ANXA4: variants seen among roughly 807,000 people sequenced by gnomAD.
ANXA4 encodes the protein annexin A4, also known as 35-beta calcimedin.
A neutral mutation model predicts 49.8 loss-of-function variants in ANXA4; 39 were observed. The ratio of observed to expected loss-of-function variants is 0.78; its 90% confidence interval spans 0.61 to 1.02. The LOEUF (loss-of-function observed/expected upper bound fraction) is 1.02. Among genes scored for constraint, ANXA4 ranks in the 50% least tolerant of loss-of-function variants. ANXA4 has a pLI of 0.00. For missense variants in ANXA4, 360 were observed against 410.1 expected, an observed-to-expected ratio of 0.88 and a Z score of 1.05; for synonymous variants, 134 against 152.5, an observed-to-expected ratio of 0.88 and a Z score of 0.89.
At chr2:69,763,414 G>GT (rs896769289) in intron 1 of ANXA4, among the ~76,000 whole-genome samples, 1 of 152,000 alleles carries the variant, frequency 6.6e-6, no homozygotes, top group African/African-American at 2.4e-5. Flanking sequence ...AGGGCTTTTT[G>GT]TTTTTTCCCC....
At chr2:69,712,176 C>A (rs1313117411) in intron 2 of ANXA4, among the ~76,000 whole-genome samples, 1 of 151,954 alleles carries the variant, frequency 6.6e-6, no homozygotes, top group Non-Finnish European at 1.5e-5. Context: ...TTCCCCAACC[C>A]CACCCCACCA....
At chr2:69,702,159 G>GTGC (rs1553432668) in intron 2 of ANXA4, among the ~76,000 whole-genome samples, 4 of 150,940 alleles carry the variant, frequency 2.7e-5, no homozygotes, top group Non-Finnish European at 4.4e-5. Flanking sequence ...TTACAGGTGT[G>GTGC]CGCCACCACC....
intron 2 of ANXA4, among the ~76,000 whole-genome samples, chr2:69,718,107 G>A (rs1669698363): frequency 6.6e-6 from 1 of 152,120 alleles, no homozygotes; most frequent in Non-Finnish European, 1.5e-5. Flanking sequence ...CTCTCACCAT[G>A]GGACTTCTCT....
intron 1 of ANXA4, among the ~76,000 whole-genome samples, chr2:69,777,214 C>G (rs1306873921): frequency 6.6e-6 from 1 of 152,136 alleles, no homozygotes; most frequent in African/African-American, 2.4e-5. Context: ...CTCCCTATTT[C>G]CCACTGTCCT....
At chr2:69,787,965 G>A in intron 2 of ANXA4, 89 bp from the exon 3 acceptor site, 1 of 1,130,330 alleles carries the variant, frequency 8.8e-7, no homozygotes, top group Non-Finnish European at 1.3e-6. Flanking sequence ...CTAGGCTATG[G>A]TCAGTGCTCA....
chr2:69,656,248 T>C (rs200547747), intron 2 of ANXA4, among the ~76,000 whole-genome samples: 27,970 of 134,768 alleles, frequency 0.21, 4,055 homozygotes, highest in East Asian at 0.35. Flanking sequence ...TACGTATATA[T>C]ATGTATATAC....
At chr2:69,709,211 G>T (rs1678598460) in intron 2 of ANXA4, among the ~76,000 whole-genome samples, 1 of 142,502 alleles carries the variant, frequency 7.0e-6, no homozygotes, top group Non-Finnish European at 1.6e-5. Context: ...GAGGGCAACA[G>T]AAATTACTTA....
intron 2 of ANXA4, among the ~76,000 whole-genome samples, chr2:69,675,374 A>G (rs1453112565): frequency 2.0e-5 from 3 of 152,236 alleles, no homozygotes; most frequent in Non-Finnish European, 4.4e-5. Context: ...TCATGACCTT[A>G]TAGTCATGTT....
intron 3 of ANXA4, among the ~76,000 whole-genome samples, chr2:69,802,230 G>A (rs973347981): frequency 1.3e-5 from 2 of 152,206 alleles, no homozygotes; most frequent in African/African-American, 4.8e-5. Context: ...AAGACTCTGG[G>A]AAGACCAACC....
At chr2:69,656,377 GTGTA>G (rs1230969402) in intron 2 of ANXA4, among the ~76,000 whole-genome samples, 1,594 of 100,124 alleles carry the variant, frequency 0.016, 230 homozygotes, top group East Asian at 0.1. Context: ...GTGTATATAT[GTGTA>G]TATATATGTG....
intron 2 of ANXA4, among the ~76,000 whole-genome samples, chr2:69,688,269 A>G (rs2105368498): frequency 6.6e-6 from 1 of 152,314 alleles, no homozygotes; most frequent in East Asian, 1.9e-4. Flanking sequence ...TTTCTGTGAT[A>G]ACGTTTATGT....
chr2:69,657,342 T>G (rs1426335854), intron 2 of ANXA4, among the ~76,000 whole-genome samples: 1 of 152,086 alleles, frequency 6.6e-6, no homozygotes, highest in Non-Finnish European at 1.5e-5. Flanking sequence ...ATTTTAAAGT[T>G]GACATATAGA....
intron 9 of ANXA4, 58 bp downstream of exon 9, chr2:69,816,252 T>G: frequency 7.0e-7 from 1 of 1,421,404 alleles, no homozygotes; most frequent in South Asian, 1.2e-5. Flanking sequence ...AAAACTATAT[T>G]GCCCATAAGT....
chr2:69,698,992 G>T (rs1678248281), intron 2 of ANXA4, among the ~76,000 whole-genome samples: 1 of 152,172 alleles, frequency 6.6e-6, no homozygotes. Context: ...AACAAAGCCT[G>T]GAAAATAGAC....
chr2:69,796,178 C>T lies in ANXA4; in HGVS notation c.97+8037C>T, dbSNP rs543312571. 5.9e-5 allele frequency among the ~76,000 whole-genome samples: 9 copies of T among 152,320 alleles called. No homozygotes were observed. The South Asian group carries it at 1.0e-3, about 18-fold the overall frequency. ...TTAATATCCAGTGGTCTTCACCACACGCTGGACAGGGTCAAGGTGGCTTTT... is the reference window on the plus strand; with the variant it reads ...TTAATATCCAGTGGTCTTCACCACATGCTGGACAGGGTCAAGGTGGCTTTT... On this transcript the variant is annotated intron_variant, in intron 3 of 12. Transcript: ENST00000394295.
intron 8 of ANXA4, among the ~76,000 whole-genome samples, chr2:69,813,560 AAATTCTATATTAAGT>A (rs2103856523): frequency 6.6e-6 from 1 of 151,244 alleles, no homozygotes; most frequent in African/African-American, 2.4e-5. Flanking sequence ...CCACTGTTCT[AAATTCTATATTAAGT>A]ATGTCATTGA....
intron 2 of ANXA4, among the ~76,000 whole-genome samples, chr2:69,681,788 G>C (rs186865827): frequency 5.2e-4 from 78 of 150,870 alleles, no homozygotes; most frequent in African/African-American, 1.8e-3. Context: ...ATTCTGCTCT[G>C]ATCTTTATTA....
intron 1 of ANXA4, among the ~76,000 whole-genome samples, chr2:69,762,264 G>A (rs541302516): frequency 1.4e-3 from 208 of 152,302 alleles, no homozygotes; most frequent in African/African-American, 4.8e-3. Context: ...GCTCATGCCT[G>A]TAGCAACAGC....
Position 69,819,262 on chromosome 2 carries a change from T to C in ANXA4, c.725-18T>C, listed in dbSNP as rs1456043655. 3 of 1,525,020 alleles carry C rather than the reference T, an allele frequency of 2.0e-6. No homozygotes were observed. The highest frequency in any genetic ancestry group is 2.7e-6 in the Non-Finnish European group (3 of 1,118,684). 94.5% of individuals were successfully genotyped at this position (1,525,020 alleles called of 1,614,324 possible). A position where few individuals can be genotyped will look rare whatever the true frequency, so the allele number is the denominator to read the frequency against. On this transcript the variant is annotated intron_variant, in intron 10 of 12. Transcript: ENST00000394295. ...TTATCTGTAATCTTTTCATTTCTTC[T>C]TTTTTTTTCTTTGACAGTAAAGTGC...
Sources: allele counts gnomAD v4.1 joint callset (sites outside exome capture counted in the v4.1 genomes callset), GRCh38; gene constraint gnomAD v4.1.1; transcripts MANE v1.5; gene names NCBI Gene and HGNC (gene_info 2026-07-23, HGNC 2026-07-21).